ZCCHC2: variants seen among roughly 807,000 people sequenced by gnomAD.
ZCCHC2 encodes the protein zinc finger CCHC-type containing 2.
Under a neutral mutation model 103.6 loss-of-function variants are expected in ZCCHC2, and 39 were observed. The ratio of observed to expected loss-of-function variants is 0.38; its 90% confidence interval spans 0.29 to 0.49. The LOEUF is 0.49. Among genes scored for constraint, ZCCHC2 ranks in the 20% least tolerant of loss-of-function variants. ZCCHC2 has a pLI of 0.96. For missense variants in ZCCHC2, 1,483 were observed against 1,491.0 expected (o/e 0.99, Z 0.09); for synonymous variants, 687 against 608.9 (o/e 1.13, Z -1.89).
intron 1 of ZCCHC2, chr18:62,539,416 C>A: frequency 3.2e-6 from 1 of 310,612 alleles, no homozygotes; most frequent in East Asian, 6.2e-5. Context: ...GATTTGGATT[C>A]AGAATTGACA....
rs1162660795 is a variant in ZCCHC2 at position 62,569,632 on chromosome 18, T to C, written c.1847-471T>C. Among the ~76,000 whole-genome samples, 77 of 152,188 alleles carry C rather than the reference T, an allele frequency of 5.1e-4. 1 individual carries two copies. Among genetic ancestry groups the C allele is most frequent in the Non-Finnish European group, 1.8e-4 (12 of 68,028 alleles). On this transcript the variant is annotated intron_variant, in intron 11 of 13. Transcript: ENST00000269499. ...GTCACCACCTCACACTACCTCAGTA[T>C]AGGCTTGAACTTGGCAGAACTCAGG...
chr18:62,524,290 C>T lies in ZCCHC2; in HGVS notation c.866C>T (p.Ala289Val), dbSNP rs1914237185. 1 of 1,548,794 alleles carries T rather than the reference C, an allele frequency of 6.5e-7. No homozygotes were observed. Among genetic ancestry groups the T allele is most frequent in the African/African-American group, 1.4e-5 (1 of 72,850 alleles). ...TLREHLERLR[A>V]ALRGGPEDAE... The stretch of plus-strand genomic sequence containing the variant: ...AGGGAACACTTGGAGAGGCTCCGCG[C>T]CGCGCTCCGCGGGGGCCCCGAGGAC... Residue 289 changes from alanine (A) to valine (V), a missense_variant, in exon 1 of 14, where the codon GCC becomes GTC. Transcript: ENST00000269499.
At chr18:62,586,269 T>C (rs1015599137) in exon 15 of ZCCHC2, 2 of 152,172 alleles carry the variant, frequency 1.3e-5, no homozygotes, top group African/African-American at 2.4e-5. Context: ...CGCTTTCTGA[T>C]TGAACTGATT....
In ZCCHC2 at chr18:62,523,734, C is replaced by A. The variant is rs1353576492; in HGVS notation, c.310C>A (p.Leu104Met). The change falls in exon 1 of 14, where the codon CTG becomes ATG. Residue 104 changes from leucine to methionine, a missense_variant. By Grantham distance (15) the Leu-to-Met change is conservative. This residue lies in a region of ZCCHC2 where 568 missense variants were observed against 525.1 expected (regional missense o/e 1.08). Coordinates refer to ENST00000269499, the MANE Select transcript of ZCCHC2 (RefSeq NM_017742.6). ...GGAGCGGGTATACGAGTGGTTCGGG[C>A]TGGTGCTGGGCTCGGCGCAGCGCCT... ...EQERVYEWFGLVLGSAQRLEF... is the reference protein window; with the variant it reads ...EQERVYEWFGMVLGSAQRLEF... 23 of 1,525,392 alleles carry A rather than the reference C, an allele frequency of 1.5e-5. No individual in the cohort carries two copies. Among genetic ancestry groups the A allele is most frequent in the Non-Finnish European group, 1.8e-5 (21 of 1,143,290 alleles). 94.5% of individuals were successfully genotyped at this position (1,525,392 alleles called of 1,614,324 possible). A position where few individuals can be genotyped will look rare whatever the true frequency, so the allele number is the denominator to read the frequency against.
At position 62,570,106 on chromosome 18, in the gene ZCCHC2, T is replaced by C; in HGVS notation, c.1850T>C (p.Val617Ala). Residue 617 changes from valine to alanine, a missense_variant, in exon 12 of 14, where the codon GTG (valine) becomes GCG (alanine). This residue lies in a region of ZCCHC2 where 884 missense variants were observed against 907.5 expected (regional missense o/e 0.97). Transcript: ENST00000269499. The part of the protein sequence containing the change: ...QHAHGGTVKD[V>A]NLDIGSGHDT... ...AAAATAGTGTTGTTATTTTTAGATGTGAATTTGGACATTGGCTCTGGACAT... is the reference window on the plus strand; with the variant it reads ...AAAATAGTGTTGTTATTTTTAGATGCGAATTTGGACATTGGCTCTGGACAT... 1 of 1,591,850 alleles carries C rather than the reference T, an allele frequency of 6.3e-7. No individual in the cohort carries two copies. Among genetic ancestry groups the C allele is most frequent in the African/African-American group, 1.4e-5 (1 of 74,022 alleles).
In ZCCHC2 at chr18:62,523,570, C is replaced by G; in HGVS notation, c.146C>G (p.Pro49Arg). The change falls in exon 1 of 14, where the codon CCG becomes CGG. Residue 49 changes from proline to arginine, a missense_variant. Around this residue, in one of 3 missense-constraint regions of ZCCHC2, gnomAD observed 568 missense variants for 525.1 expected, o/e 1.08. Coordinates refer to ENST00000269499, the MANE Select transcript of ZCCHC2 (RefSeq NM_017742.6). The part of the protein sequence containing the change: ...RDCRPPPPPP[P>R]PAGPSRGPLP... ...TGCCGCCCCCCGCCGCCGCCGCCGC[C>G]GCCCGCGGGCCCGTCGCGGGGCCCT... The G allele has an allele frequency of 3.1e-6, 3 of 961,394 alleles. No homozygotes were observed. Among genetic ancestry groups the G allele is most frequent in the Non-Finnish European group, 3.7e-6 (3 of 811,908 alleles). 59.6% of individuals were successfully genotyped at this position (961,394 alleles called of 1,614,324 possible). A position where few individuals can be genotyped will look rare whatever the true frequency, so the allele number is the denominator to read the frequency against.
At chr18:62,525,090 C>T (rs537721672) in intron 1 of ZCCHC2, 7 of 152,326 alleles carry the variant, frequency 4.6e-5, no homozygotes, top group African/African-American at 1.7e-4. Context: ...TGCTTTTTCC[C>T]TCCGGCACAC....
At chr18:62,539,845 G>A (rs1042357243) in intron 2 of ZCCHC2, 53 bp downstream of exon 2, 4 of 1,406,294 alleles carry the variant, frequency 2.8e-6, no homozygotes, top group Admixed American at 3.9e-5. Context: ...AAGATTACAG[G>A]GTGCTCTTTA....
chr18:62,575,028 A>C lies in ZCCHC2; in HGVS notation c.2947A>C (p.Ser983Arg). 6.2e-7 allele frequency: 1 copy of C among 1,614,020 alleles called. No individual in the cohort carries two copies. The highest frequency in any genetic ancestry group is 1.3e-5 in the African/African-American group (1 of 75,060). Reference protein sequence around the residue: ...SPALTHSTAQSDSTSYISAVG... With the variant: ...SPALTHSTAQRDSTSYISAVG... The stretch of plus-strand genomic sequence containing the variant: ...TGCCTTGACACACAGTACCGCGCAG[A>C]GTGACAGCACCTCTTACATCAGTGC... The change falls in exon 13 of 14, where the codon AGT (serine) becomes CGT (arginine). Residue 983 changes from serine (S) to arginine (R), a missense_variant. Coordinates refer to ENST00000269499, the MANE Select transcript of ZCCHC2 (RefSeq NM_017742.6).
intron 1 of ZCCHC2, chr18:62,526,027 A>G (rs140471743): frequency 6.6e-6 from 1 of 152,332 alleles, no homozygotes; most frequent in Non-Finnish European, 1.5e-5. Context: ...CATTCATACT[A>G]TTCCAACAAA....
chr18:62,529,862 T>TG (rs1260800912), intron 1 of ZCCHC2, among the ~76,000 whole-genome samples: 8 of 152,180 alleles, frequency 5.3e-5, no homozygotes, highest in African/African-American at 1.7e-4. Context: ...CAACTATGGA[T>TG]CAAAAATATT....
Position 62,543,750 on chromosome 18 carries a change from A to G in ZCCHC2, c.1129-1052A>G, listed in dbSNP as rs140487099. On this transcript the variant is annotated intron_variant, in intron 3 of 13. Transcript: ENST00000269499. ...ATGCCCTATGCGTTTTCTTCAAAGC[A>G]CTGATCACTGATGGAAATTCTTATA... Among the ~76,000 whole-genome samples the G allele has an allele frequency of 7.6e-3, 1,160 of 152,228 alleles. 15 individuals carry two copies. The highest frequency in any genetic ancestry group is 0.026 in the African/African-American group (1,077 of 41,546).
At chr18:62,542,427 G>T in intron 2 of ZCCHC2, 71 bp from the exon 3 acceptor site, 1 of 1,227,760 alleles carries the variant, frequency 8.1e-7, no homozygotes, top group South Asian at 1.4e-5. Context: ...AACTTTTAGG[G>T]TTACTTTAGG....
rs1167066401 is a variant in ZCCHC2 at position 62,570,116 on chromosome 18, C to T, written c.1860C>T (p.Asp620=). ...HGGTVKDVNL[D]IGSGHDTCGE... ...TGTTATTTTTAGATGTGAATTTGGACATTGGCTCTGGACATGACACATGTG... is the reference window on the plus strand; with the variant it reads ...TGTTATTTTTAGATGTGAATTTGGATATTGGCTCTGGACATGACACATGTG... Residue 620 remains aspartate, a synonymous_variant, in exon 12 of 14, where the codon GAC becomes GAT. Transcript: ENST00000269499. The T allele has an allele frequency of 6.2e-7, 1 of 1,603,794 alleles. No homozygotes were observed. The highest frequency in any genetic ancestry group is 8.5e-7 in the Non-Finnish European group (1 of 1,175,272).
intron 4 of ZCCHC2, among the ~76,000 whole-genome samples, chr18:62,547,723 G>A (rs1288034964): frequency 1.3e-5 from 2 of 151,722 alleles, no homozygotes; most frequent in African/African-American, 2.4e-5. Flanking sequence ...CACCACACCC[G>A]GCTAATTTTT....
At position 62,574,239 on chromosome 18, in the gene ZCCHC2, C is replaced by T. The variant is rs759915853; in HGVS notation, c.2158C>T (p.Pro720Ser). The change falls in exon 13 of 14, where the codon CCA (proline) becomes TCA (serine). Residue 720 changes from proline (P) to serine (S), a missense_variant. Physicochemically the swap from Pro to Ser is moderately conservative, Grantham distance 74 (BLOSUM62 -1). Around this residue, in one of 3 missense-constraint regions of ZCCHC2, gnomAD observed 884 missense variants for 907.5 expected, o/e 0.97. Transcript: ENST00000269499. ...SPKYQHISFM[P>S]TLHCVMHNGA... Reference sequence around the variant, plus strand: ...CAAGTATCAGCATATTTCTTTTATGCCAACGTTACACTGTGTCATGCACAA... The same window carrying T: ...CAAGTATCAGCATATTTCTTTTATGTCAACGTTACACTGTGTCATGCACAA... 1 of 1,613,998 alleles carries T rather than the reference C, an allele frequency of 6.2e-7. No homozygotes were observed. Among genetic ancestry groups the T allele is most frequent in the South Asian group, 1.1e-5 (1 of 91,082 alleles).
At chr18:62,564,978 T>C in intron 10 of ZCCHC2, 24 bp from the exon 11 acceptor site, 1 of 1,520,902 alleles carries the variant, frequency 6.6e-7, no homozygotes, top group Non-Finnish European at 9.1e-7. Flanking sequence ...ATTAAAATGT[T>C]GGCAATATGT....
In ZCCHC2 at chr18:62,574,792, C is replaced by T. The variant is rs1156875132; in HGVS notation, c.2711C>T (p.Ala904Val). The T allele has an allele frequency of 1.9e-5, 30 of 1,614,022 alleles. No individual in the cohort carries two copies. Among genetic ancestry groups the T allele is most frequent in the Non-Finnish European group, 2.5e-5 (29 of 1,179,902 alleles). ...ACCAATGTGAAGGTAGTTCTTCCAG[C>T]AGCTGGCCTCTCAGCTGCTCAGCCA... The part of the protein sequence containing the change: ...QPTNVKVVLP[A>V]AGLSAAQPPA... The change falls in exon 13 of 14, where the codon GCA becomes GTA. Residue 904 changes from alanine (A) to valine (V), a missense_variant. By Grantham distance (64) the Ala-to-Val change is moderately conservative. Around this residue, in one of 3 missense-constraint regions of ZCCHC2, gnomAD observed 884 missense variants for 907.5 expected, o/e 0.97. Transcript: ENST00000269499.
chr18:62,565,588 C>T (rs1397781071), intron 11 of ZCCHC2, among the ~76,000 whole-genome samples: 1 of 151,924 alleles, frequency 6.6e-6, no homozygotes, highest in Non-Finnish European at 1.5e-5. Context: ...TCCATTTACC[C>T]ACCACTATTT....
Sources: allele counts gnomAD v4.1 joint callset (sites outside exome capture counted in the v4.1 genomes callset), GRCh38; gene constraint gnomAD v4.1.1; regional missense constraint gnomAD v4.1.1; transcripts MANE v1.5; gene names NCBI Gene and HGNC (gene_info 2026-07-23, HGNC 2026-07-21).